The following HERPUD2 variants were observed in gnomAD, a reference collection of about 807,000 sequenced individuals.
HERPUD2 encodes the protein HERPUD family member 2, also known as homocysteine-responsive endoplasmic reticulum-resident ubiquitin-like domain member 2 protein.
In HERPUD2, 13 loss-of-function variants were observed where a neutral mutation model predicts 49.9. The ratio of observed to expected loss-of-function variants is 0.26; its 90% CI spans 0.17 to 0.41. The LOEUF (loss-of-function observed/expected upper bound fraction) is 0.41. HERPUD2 is among the 10% of genes least tolerant of loss of function. HERPUD2 has a pLI of 1.00. For synonymous variants in HERPUD2, 172 were observed against 171.4 expected (o/e 1.00, Z -0.03); for missense variants, 449 against 492.2 (o/e 0.91, Z 0.83).
intron 2 of HERPUD2, among the ~76,000 whole-genome samples, chr7:35,682,347 G>GTA (rs1276353371): frequency 6.9e-5 from 2 of 29,156 alleles, no homozygotes; most frequent in African/African-American, 2.3e-4. Flanking sequence ...GTGTGTGTGT[G>GTA]TGTGTGTGTG....
chr7:35,657,876 C>T (rs1231320887), intron 5 of HERPUD2, among the ~76,000 whole-genome samples: 5 of 150,820 alleles, frequency 3.3e-5, no homozygotes, highest in South Asian at 2.1e-4. Context: ...GAGCCGAGAT[C>T]GCGCCACTGC....
intron 5 of HERPUD2, among the ~76,000 whole-genome samples, chr7:35,652,365 G>T (rs907364748): frequency 1.3e-5 from 2 of 152,124 alleles, no homozygotes; most frequent in African/African-American, 4.8e-5. Flanking sequence ...CTGACACCTC[G>T]CCCAACAATC....
intron 5 of HERPUD2, among the ~76,000 whole-genome samples, chr7:35,664,385 G>T (rs528837271): frequency 3.9e-5 from 6 of 152,050 alleles, no homozygotes; most frequent in African/African-American, 9.7e-5. Context: ...TGCTATTCTC[G>T]AGGAGTATCT....
chr7:35,634,246 T>C, intron 8 of HERPUD2, 66 bp downstream of exon 8: 2 of 952,268 alleles, frequency 2.1e-6, no homozygotes, highest in Admixed American at 1.8e-5. Context: ...TCTTTCATCA[T>C]GTTGGTCCCA....
rs1583531604 is a variant in HERPUD2 at position 35,633,002 on chromosome 7, T to C, written c.*688A>G. ...CAAGATAATTCACGGAAAACAGATA[T>C]ATCTATTCAAATTAAACATTAAAGG... On this transcript the variant is annotated 3_prime_UTR_variant, in exon 9 of 9. Transcript: ENST00000311350. The C allele has an allele frequency of 6.6e-6, 1 of 152,034 alleles. No homozygotes were observed. Among genetic ancestry groups the C allele is most frequent in the South Asian group, 2.1e-4 (1 of 4,808 alleles). 9.4% of individuals were successfully genotyped at this position (152,034 alleles called of 1,614,324 possible).
chr7:35,633,822 A>G lies in HERPUD2; in HGVS notation c.1089T>C (p.Asp363=), dbSNP rs747101410. 2.5e-6 allele frequency: 4 copies of G among 1,613,978 alleles called. No individual in the cohort carries two copies. The highest frequency in any genetic ancestry group is 1.1e-5 in the South Asian group (1 of 91,070). Residue 363 remains aspartate, a synonymous_variant, in exon 9 of 9, where the codon GAT becomes GAC. Transcript: ENST00000311350. ...CTTCACCTCCATCTTCTCCACTCTCATCTTCAAGCCCATCATCCATAAGAC... is the reference window on the plus strand; with the variant it reads ...CTTCACCTCCATCTTCTCCACTCTCGTCTTCAAGCCCATCATCCATAAGAC... The part of the protein sequence containing the change: ...MERLMDDGLE[D]ESGEDGGEDA...
chr7:35,652,556 C>T (rs1785188946), intron 5 of HERPUD2, among the ~76,000 whole-genome samples: 1 of 146,148 alleles, frequency 6.8e-6, no homozygotes, highest in African/African-American at 2.5e-5. Flanking sequence ...AGAGAATAGG[C>T]AGATATATTT....
intron 2 of HERPUD2, among the ~76,000 whole-genome samples, chr7:35,684,792 A>C (rs1785998181): frequency 6.6e-6 from 1 of 152,240 alleles, no homozygotes; most frequent in Admixed American, 6.5e-5. Context: ...AACAGGGTGC[A>C]GTGTATACTG....
Position 35,633,680 on chromosome 7 carries a change from GT to G in HERPUD2, c.*9del. The G allele has an allele frequency of 6.2e-7, 1 of 1,611,282 alleles. No homozygotes were observed. The highest frequency in any genetic ancestry group is 8.5e-7 in the Non-Finnish European group (1 of 1,178,846). ...TCAGACCCTCCTTGTAGCTGGCACA[GT>G]TTTTCAGGTCAATTGGCAACCTGGG... On this transcript the variant is annotated 3_prime_UTR_variant, in exon 9 of 9. Coordinates refer to ENST00000311350, the MANE Select transcript of HERPUD2 (RefSeq NM_022373.5).
intron 5 of HERPUD2, among the ~76,000 whole-genome samples, chr7:35,660,551 C>G (rs1385592630): frequency 6.6e-6 from 1 of 152,176 alleles, no homozygotes; most frequent in African/African-American, 2.4e-5. Context: ...TGTTTCCTGA[C>G]TTTTTAATGA....
rs565555688 is a variant in HERPUD2, at chr7:35,644,095, G to A, written c.495-5623C>T. 3.3e-5 allele frequency among the ~76,000 whole-genome samples: 5 copies of A among 152,182 alleles called. No homozygotes were observed. The East Asian group carries it at 9.7e-4, about 29-fold the overall frequency. On this transcript the variant is annotated intron_variant, in intron 5 of 8. Coordinates refer to ENST00000311350, the MANE Select transcript of HERPUD2 (RefSeq NM_022373.5). ...ATTATGCTAATTCATTAGGGACTAG[G>A]ATGTTTTAGCATAGAAGATATATAA... is the stretch of plus-strand genomic sequence containing the variant.
In HERPUD2 at chr7:35,685,446, C is replaced by A. The variant is rs569783920; in HGVS notation, c.147+8738G>T. 2.0e-5 allele frequency among the ~76,000 whole-genome samples: 3 copies of A among 151,328 alleles called. No individual in the cohort carries two copies. In the East Asian group the frequency reaches 5.9e-4, roughly 30 times the overall value. ...TTAAGCAATTCTCGTGCCTCAGCCT[C>A]CCGAGTAGCTGGGATTACAGGCGCG... On this transcript the variant is annotated intron_variant, in intron 2 of 8. Coordinates refer to ENST00000311350, the MANE Select transcript of HERPUD2 (RefSeq NM_022373.5).
At chr7:35,683,504 G>A (rs6952049) in intron 2 of HERPUD2, among the ~76,000 whole-genome samples, 51,186 of 152,128 alleles carry the variant, frequency 0.34, 10,364 homozygotes, top group Middle Eastern at 0.46. Flanking sequence ...TCTAGACACT[G>A]CCTTAGGCAA....
intron 2 of HERPUD2, among the ~76,000 whole-genome samples, chr7:35,674,402 TATAGAGAGAGAG>T (rs1426520729): frequency 3.3e-4 from 18 of 54,432 alleles, no homozygotes; most frequent in South Asian, 1.5e-3. Flanking sequence ...TATATATATA[TATAGAGAGAGAG>T]AGAGAGAGAG....
intron 2 of HERPUD2, among the ~76,000 whole-genome samples, chr7:35,677,916 G>C (rs1249468547): frequency 6.6e-6 from 1 of 152,198 alleles, no homozygotes; most frequent in Admixed American, 6.5e-5. Context: ...CCAGCACTCT[G>C]TGCCTCAGTT....
At chr7:35,644,107 T>C (rs978803640) in intron 5 of HERPUD2, among the ~76,000 whole-genome samples, 3 of 152,180 alleles carry the variant, frequency 2.0e-5, no homozygotes, top group Non-Finnish European at 4.4e-5. Context: ...TGTTTTAGCA[T>C]AGAAGATATA....
intron 2 of HERPUD2, among the ~76,000 whole-genome samples, chr7:35,673,616 CTATA>C (rs1737275568): frequency 6.6e-6 from 1 of 152,058 alleles, no homozygotes; most frequent in African/African-American, 2.4e-5. Context: ...ATCTTCAAGA[CTATA>C]TAAATGAGAA....
Position 35,694,376 on chromosome 7 carries a change from C to T in HERPUD2, c.-46G>A. The T allele has an allele frequency of 1.2e-6, 2 of 1,610,830 alleles. No individual in the cohort carries two copies. The highest frequency in any genetic ancestry group is 1.7e-6 in the Non-Finnish European group (2 of 1,177,522). ...GAGTCCAGAGGAGCGGCAGTTAAGC[C>T]CAAAAGAGCCGAGATGGTCACCGCC... On this transcript the variant is annotated 5_prime_UTR_variant, in exon 2 of 9. Transcript: ENST00000311350.
intron 5 of HERPUD2, among the ~76,000 whole-genome samples, chr7:35,652,077 C>A (rs1717308586): frequency 6.6e-6 from 1 of 152,088 alleles, no homozygotes; most frequent in African/African-American, 2.4e-5. Context: ...CATATGATTC[C>A]AGGCCTCTTT....
Sources: allele counts gnomAD v4.1 joint callset (sites outside exome capture counted in the v4.1 genomes callset), GRCh38; gene constraint gnomAD v4.1.1; transcripts MANE v1.5; gene names NCBI Gene and HGNC (gene_info 2026-07-23, HGNC 2026-07-21).